Variants in RASA2 observed in about 807,000 individuals in gnomAD.
RASA2 encodes the protein RAS p21 protein activator 2.
A neutral mutation model predicts 118.2 loss-of-function variants in RASA2; 155 were observed. The ratio of observed to expected loss-of-function variants is 1.31; its 90% CI spans 1.15 to 1.50. The LOEUF (loss-of-function observed/expected upper bound fraction) is 1.50. RASA2 is among the 40% of genes most tolerant of loss of function. The pLI is 0.00. For synonymous variants in RASA2, 353 were observed against 349.1 expected, an observed-to-expected ratio of 1.01 and a Z score of -0.12; for missense variants, 1,016 against 1,009.6, an observed-to-expected ratio of 1.01 and a Z score of -0.09.
intron 2 of RASA2, among the ~76,000 whole-genome samples, chr3:141,513,459 TA>T (rs1344650164): frequency 6.6e-6 from 1 of 152,176 alleles, no homozygotes; most frequent in African/African-American, 2.4e-5. Flanking sequence ...GTGGATGTGA[TA>T]TATAAAGGAA....
intron 1 of RASA2, among the ~76,000 whole-genome samples, chr3:141,506,325 A>G (rs1163313308): frequency 4.6e-5 from 7 of 152,240 alleles, no homozygotes; most frequent in Non-Finnish European, 8.8e-5. Flanking sequence ...TGTGGGAACA[A>G]TGTATCTGCC....
chr3:141,505,150 C>T (rs1347114314), intron 1 of RASA2, among the ~76,000 whole-genome samples: 2 of 152,178 alleles, frequency 1.3e-5, no homozygotes, highest in Non-Finnish European at 2.9e-5. Context: ...ATATTTATTT[C>T]TTCCATGACA....
chr3:141,600,265 A>T, intron 19 of RASA2: 1 of 534,454 alleles, frequency 1.9e-6, no homozygotes, highest in East Asian at 5.3e-5. Flanking sequence ...CCCTGTATGT[A>T]TTTAGTTTTC....
At chr3:141,562,629 GAAAACAA>G (rs2082750671) in intron 9 of RASA2, among the ~76,000 whole-genome samples, 1 of 144,712 alleles carries the variant, frequency 6.9e-6, no homozygotes, top group Non-Finnish European at 1.5e-5. Context: ...CTCAAAAAAA[GAAAACAA>G]AAAACAACAA....
intron 5 of RASA2, among the ~76,000 whole-genome samples, chr3:141,541,581 A>G (rs1455005853): frequency 2.6e-5 from 4 of 152,096 alleles, no homozygotes; most frequent in African/African-American, 9.7e-5. Flanking sequence ...TTGTTACAAT[A>G]CTTTTTAAAA....
At chr3:141,515,860 A>G (rs2082015442) in intron 2 of RASA2, among the ~76,000 whole-genome samples, 2 of 149,588 alleles carry the variant, frequency 1.3e-5, no homozygotes, top group African/African-American at 4.9e-5. Context: ...AGATCACGCC[A>G]CTGGACTCCA....
chr3:141,570,846 T>C, intron 9 of RASA2, 66 bp from the exon 10 acceptor site: 2 of 1,469,264 alleles, frequency 1.4e-6, no homozygotes, highest in East Asian at 2.4e-5. Context: ...ATAACTTAAC[T>C]CTTAACTTGC....
At chr3:141,490,376 G>A (rs2081626857) in intron 1 of RASA2, among the ~76,000 whole-genome samples, 2 of 147,460 alleles carry the variant, frequency 1.4e-5, no homozygotes, top group Admixed American at 6.8e-5. Context: ...AAACAGAAAA[G>A]AGGGATTGGG....
intron 14 of RASA2, among the ~76,000 whole-genome samples, 153 bp from the exon 15 acceptor site, chr3:141,576,847 G>A (rs903635401): frequency 2.6e-5 from 4 of 151,860 alleles, no homozygotes; most frequent in Admixed American, 2.6e-4. Context: ...TTTTAATTGA[G>A]TCATAAATAT....
intron 3 of RASA2, among the ~76,000 whole-genome samples, chr3:141,520,778 G>A (rs917743083): frequency 6.6e-6 from 1 of 152,070 alleles, no homozygotes; most frequent in Admixed American, 6.5e-5. Flanking sequence ...CGAGTTTGTA[G>A]TACTGTTGTA....
intron 4 of RASA2, 127 bp downstream of exon 4, chr3:141,529,929 T>A: frequency 1.4e-6 from 1 of 714,230 alleles, no homozygotes; most frequent in Non-Finnish European, 2.2e-6. Flanking sequence ...TCAAATATTA[T>A]AGACTTTTGG....
intron 3 of RASA2, among the ~76,000 whole-genome samples, chr3:141,521,729 G>T (rs2082113735): frequency 6.6e-6 from 1 of 152,032 alleles, no homozygotes; most frequent in Non-Finnish European, 1.5e-5. Context: ...CTTTCTAAGG[G>T]ATAAAATTTA....
intron 5 of RASA2, among the ~76,000 whole-genome samples, chr3:141,543,125 TG>T (rs1261266299): frequency 6.6e-6 from 1 of 152,048 alleles, no homozygotes; most frequent in Non-Finnish European, 1.5e-5. Flanking sequence ...CTTTTTCCTG[TG>T]GGTTACTTGA....
At chr3:141,576,897 A>G in intron 14 of RASA2, 103 bp from the exon 15 acceptor site, 1 of 634,058 alleles carries the variant, frequency 1.6e-6, no homozygotes, top group Admixed American at 3.3e-5. Flanking sequence ...TAGACAAATT[A>G]TGTTGCTCTC....
At chr3:141,595,481 T>C (rs2083351502) in intron 19 of RASA2, among the ~76,000 whole-genome samples, 2 of 152,192 alleles carry the variant, frequency 1.3e-5, no homozygotes, top group South Asian at 2.1e-4. Flanking sequence ...TTACCAAATA[T>C]GTTTGGGCAC....
chr3:141,580,323 T>C, intron 15 of RASA2, 45 bp from the exon 16 acceptor site: 1 of 1,427,422 alleles, frequency 7.0e-7, no homozygotes, highest in Non-Finnish European at 9.7e-7. Flanking sequence ...ATACAAACTA[T>C]TTTCTTGAAA....
chr3:141,520,011 C>CTTTTTTTTTTTTTTT (rs559634060), intron 3 of RASA2, among the ~76,000 whole-genome samples: 2 of 109,790 alleles, frequency 1.8e-5, no homozygotes, highest in African/African-American at 3.6e-5. Flanking sequence ...TTCTTTTTCT[C>CTTTTTTTTTTTTTTT]TTTTTTTTTT....
rs770448162 is a variant in RASA2, at chr3:141,540,584, A to G, written c.502A>G (p.Thr168Ala). 5.6e-6 allele frequency: 9 copies of G among 1,612,762 alleles called. No homozygotes were observed. Among genetic ancestry groups the G allele is most frequent in the Non-Finnish European group, 7.6e-6 (9 of 1,179,064 alleles). Residue 168 changes from threonine to alanine, a missense_variant, in exon 5 of 24, where the codon ACT (threonine) becomes GCT (alanine). Transcript: ENST00000286364. ...GAATGAACTGATAACGGAGAATGGA[A>G]CTGTATGCCAGCAGCTTGTTGTACA... ...KLNELITENG[T>A]VCQQLVVHIK... is the part of the protein sequence containing the mutation.
chr3:141,540,500 A>T, intron 4 of RASA2, 33 bp from the exon 5 acceptor site: 1 of 1,530,778 alleles, frequency 6.5e-7, no homozygotes, highest in East Asian at 2.3e-5. Context: ...AGTAAAATAG[A>T]CTACTCAGTT....
Sources: gnomAD v4.1 joint callset for allele counts (sites outside exome capture counted in the v4.1 genomes callset) on GRCh38, gnomAD v4.1.1 for gene constraint, MANE v1.5 for transcripts, NCBI Gene and HGNC (gene_info 2026-07-23, HGNC 2026-07-21) for gene names.